The following REV1 variants were observed in gnomAD, a reference collection of about 807,000 sequenced individuals.
REV1 encodes translesion synthesis protein REV1.
Under a neutral mutation model 137.4 loss-of-function variants are expected in REV1, and 42 were observed. The observed-to-expected ratio is 0.31, with a 90% CI of 0.24 to 0.40. REV1 has a LOEUF of 0.40. Among genes scored for constraint, REV1 ranks in the 10% least tolerant of loss-of-function variants. REV1 has a pLI of 1.00. For synonymous variants in REV1, 524 were observed against 519.2 expected (o/e 1.01, Z -0.12); for missense variants, 1,282 against 1,490.1 (o/e 0.86, Z 2.30).
chr2:99,439,454 G>GA (rs943299702), intron 5 of REV1, 144 bp from the exon 6 acceptor site: 15,629 of 351,260 alleles, frequency 0.044, 9 homozygotes, highest in Middle Eastern at 0.068. Flanking sequence ...TATTGACAAT[G>GA]AAAAAAAAAA....
chr2:99,481,487 G>A (rs1686604303), intron 1 of REV1, among the ~76,000 whole-genome samples: 2 of 152,162 alleles, frequency 1.3e-5, no homozygotes, highest in Admixed American at 1.3e-4. Flanking sequence ...AGAGGTAACT[G>A]GGTTACTATC....
intron 5 of REV1, 85 bp from the exon 6 acceptor site, chr2:99,439,395 A>T: frequency 1.1e-6 from 1 of 915,594 alleles, no homozygotes; most frequent in Non-Finnish European, 1.6e-6. Context: ...TCTTAGTGGT[A>T]CACAGTTTGG....
At chr2:99,468,452 G>C (rs1210462865) in intron 1 of REV1, among the ~76,000 whole-genome samples, 2 of 152,206 alleles carry the variant, frequency 1.3e-5, no homozygotes, top group East Asian at 3.9e-4. Context: ...GCAACCTCCT[G>C]AATTACAATG....
intron 1 of REV1, among the ~76,000 whole-genome samples, chr2:99,466,594 T>C (rs1220239324): frequency 6.6e-6 from 1 of 152,182 alleles, no homozygotes. Flanking sequence ...CAGGATTTGG[T>C]TTTTGTTTGT....
At chr2:99,467,019 G>C (rs555457801) in intron 1 of REV1, among the ~76,000 whole-genome samples, 1 of 152,312 alleles carries the variant, frequency 6.6e-6, no homozygotes, top group South Asian at 2.1e-4. Context: ...GAGTTTGGGA[G>C]TTCTGGCCAT....
chr2:99,462,662 A>G, intron 2 of REV1, 40 bp from the exon 3 acceptor site: 3 of 1,573,564 alleles, frequency 1.9e-6, no homozygotes, highest in Non-Finnish European at 2.6e-6. Flanking sequence ...CAAAGGTTAC[A>G]TTTTCTCCCC....
chr2:99,447,162 CTTT>C (rs752190451), intron 4 of REV1, among the ~76,000 whole-genome samples: 1 of 142,934 alleles, frequency 7.0e-6, no homozygotes, highest in Non-Finnish European at 1.5e-5. Context: ...ATTTATTTGA[CTTT>C]TTTTTTTTTT....
chr2:99,459,436 T>C (rs1427496699), intron 3 of REV1, among the ~76,000 whole-genome samples: 1 of 152,176 alleles, frequency 6.6e-6, no homozygotes, highest in Admixed American at 6.5e-5. Context: ...CCAGCCATGG[T>C]GGCCCATACA....
chr2:99,426,911 C>T (rs1342570731), intron 9 of REV1, among the ~76,000 whole-genome samples: 4 of 152,072 alleles, frequency 2.6e-5, no homozygotes, highest in South Asian at 2.1e-4. Context: ...TGGCCGGGTG[C>T]GGTGGCTCAC....
chr2:99,403,461 C>A (rs1675799947), intron 19 of REV1: 4 of 602,042 alleles, frequency 6.6e-6, no homozygotes, highest in African/African-American at 5.6e-5. Flanking sequence ...ATGTCCTATT[C>A]CAACTTTTTA....
At chr2:99,430,033 T>C (rs1199350022) in intron 8 of REV1, 85 bp from the exon 9 acceptor site, 4 of 765,378 alleles carry the variant, frequency 5.2e-6, no homozygotes, top group Admixed American at 7.1e-5. Flanking sequence ...TCCATTACTT[T>C]CATATAAAAA....
chr2:99,427,587 C>T lies in REV1; in HGVS notation c.1547+2253G>A, dbSNP rs534548701. Among the ~76,000 whole-genome samples, 10 of 152,312 alleles carry T rather than the reference C, an allele frequency of 6.6e-5. No individual in the cohort carries two copies. The East Asian group carries it at 1.9e-3, about 29-fold the overall frequency. Reference sequence around the variant, plus strand: ...GATCATCCCCACAATCTAGTCCCCACTCCAAACTCAGTAACATTTCTCTTA... The same window carrying T: ...GATCATCCCCACAATCTAGTCCCCATTCCAAACTCAGTAACATTTCTCTTA... On this transcript the variant is annotated intron_variant, in intron 9 of 22. Transcript: ENST00000258428.
At chr2:99,441,836 AATTC>A (rs1681524113) in intron 5 of REV1, among the ~76,000 whole-genome samples, 1 of 152,234 alleles carries the variant, frequency 6.6e-6, no homozygotes, top group African/African-American at 2.4e-5. Context: ...TTATAAAAAT[AATTC>A]ATTTTTAGAT....
At position 99,438,823 on chromosome 2, in the gene REV1, T is replaced by C. The variant is rs567520593; in HGVS notation, c.991A>G (p.Thr331Ala). 125 of 1,614,246 alleles carry C rather than the reference T, an allele frequency of 7.7e-5. 1 individual carries two copies. Among genetic ancestry groups the C allele is most frequent in the East Asian group, 6.2e-4 (28 of 44,892 alleles). The change falls in exon 6 of 23, where the codon ACG becomes GCG. Residue 331 changes from threonine (T) to alanine (A), a missense_variant. Physicochemically the swap from Thr to Ala is moderately conservative, Grantham distance 58. This residue lies in a region of REV1 where 432 missense variants were observed against 438.0 expected (regional missense o/e 0.99). Transcript: ENST00000258428. ...ACTGAAGGTGCTGCCTTGCTAAACG[T>C]AGATACTGAAGAAGTGCTTTTTGTG... The part of the protein sequence containing the change: ...SSTKSTSSVS[T>A]FSKAAPSVPS...
rs1027984374 is a variant in REV1 at position 99,403,025 on chromosome 2, G to C, written c.3248C>G (p.Pro1083Arg). ...ATTCAAAGGACTCTGAATCCTTTTTGGTGAACCAATGGTTTTTTTCTTCTT... is the reference window on the plus strand; with the variant it reads ...ATTCAAAGGACTCTGAATCCTTTTTCGTGAACCAATGGTTTTTTTCTTCTT... Reference protein sequence around the residue: ...RNKKKKTIGSPKRIQSPLNNK... With the variant: ...RNKKKKTIGSRKRIQSPLNNK... Residue 1083 changes from proline to arginine, a missense_variant, in exon 20 of 23, where the codon CCA becomes CGA. Pro to Arg is a moderately radical substitution (Grantham distance 103). Transcript: ENST00000258428. 47 of 1,614,020 alleles carry C rather than the reference G, an allele frequency of 2.9e-5. No homozygotes were observed. The highest frequency in any genetic ancestry group is 3.9e-5 in the Non-Finnish European group (46 of 1,179,950).
chr2:99,462,917 G>C, intron 2 of REV1: 1 of 212,306 alleles, frequency 4.7e-6, no homozygotes, highest in Non-Finnish European at 9.1e-6. Context: ...GTGAAACCCC[G>C]TCTCTACTAA....
At chr2:99,475,441 G>A (rs1167458951) in intron 1 of REV1, among the ~76,000 whole-genome samples, 1 of 152,170 alleles carries the variant, frequency 6.6e-6, no homozygotes, top group Non-Finnish European at 1.5e-5. Flanking sequence ...AAATATTTAG[G>A]AGCACAGGTC....
At chr2:99,402,371 T>G (rs747265607) in intron 21 of REV1, 25 bp from the exon 22 acceptor site, 2 of 1,134,430 alleles carry the variant, frequency 1.8e-6, no homozygotes, top group Non-Finnish European at 2.6e-6. Context: ...AAACTTCAAA[T>G]GAGGACCAGT....
chr2:99,486,644 G>C (rs991286640), intron 1 of REV1, among the ~76,000 whole-genome samples: 1 of 152,220 alleles, frequency 6.6e-6, no homozygotes, highest in African/African-American at 2.4e-5. Flanking sequence ...GAGCAGAACT[G>C]AGGCACCACC....
Sources: allele counts gnomAD v4.1 joint callset (sites outside exome capture counted in the v4.1 genomes callset), GRCh38; gene constraint gnomAD v4.1.1; regional missense constraint gnomAD v4.1.1; transcripts MANE v1.5; gene names NCBI Gene and HGNC (gene_info 2026-07-23, HGNC 2026-07-21).